The following COMMD10 variants were observed in gnomAD, a reference collection of about 807,000 sequenced individuals.
COMMD10 encodes COMM domain-containing protein 10.
A neutral mutation model predicts 28.9 loss-of-function variants in COMMD10; 33 were observed. That is an observed-to-expected ratio of 1.14 (90% CI 0.87 to 1.53). COMMD10 has a LOEUF of 1.53. Among genes scored for constraint, COMMD10 ranks in the 40% most tolerant of loss-of-function variants. COMMD10 has a pLI of 0.00. For missense variants in COMMD10, 310 were observed against 233.4 expected (o/e 1.33, Z -2.14); for synonymous variants, 110 against 81.7 (o/e 1.35, Z -1.87).
chr5:116,278,196 A>G (rs1034450195), intron 5 of COMMD10, among the ~76,000 whole-genome samples: 1 of 151,850 alleles, frequency 6.6e-6, no homozygotes, highest in Non-Finnish European at 1.5e-5. Context: ...TATTGAGTAC[A>G]GAAAAAGCTC....
chr5:116,150,112 G>C (rs1330448718), intron 5 of COMMD10, among the ~76,000 whole-genome samples: 3 of 151,980 alleles, frequency 2.0e-5, no homozygotes, highest in Admixed American at 2.0e-4. Context: ...ATTAAATAGG[G>C]AATACTTTCC....
intron 4 of COMMD10, among the ~76,000 whole-genome samples, chr5:116,104,447 G>C (rs1750767993): frequency 6.6e-6 from 1 of 151,966 alleles, no homozygotes; most frequent in African/African-American, 2.4e-5. Context: ...GTCTTTCTGT[G>C]TCTGTTATTG....
intron 5 of COMMD10, among the ~76,000 whole-genome samples, chr5:116,141,567 T>C (rs6860662): frequency 0.09 from 13,614 of 151,876 alleles, 1,208 homozygotes; most frequent in African/African-American, 0.23. Context: ...TATTTAATTA[T>C]GTCATCTTCA....
chr5:116,276,616 T>C (rs1750919117), intron 5 of COMMD10, among the ~76,000 whole-genome samples: 1 of 151,906 alleles, frequency 6.6e-6, no homozygotes, highest in Non-Finnish European at 1.5e-5. Context: ...ATACATGATT[T>C]TTTTATTCTA....
chr5:116,267,499 A>G (rs1057134379), intron 5 of COMMD10, among the ~76,000 whole-genome samples: 2 of 151,914 alleles, frequency 1.3e-5, no homozygotes, highest in African/African-American at 4.9e-5. Flanking sequence ...GGAAGAATCA[A>G]TATCATGAAA....
chr5:116,173,662 C>A (rs76750425), intron 5 of COMMD10, among the ~76,000 whole-genome samples: 1 of 152,040 alleles, frequency 6.6e-6, no homozygotes, highest in Admixed American at 6.6e-5. Flanking sequence ...AAGTTATGGT[C>A]TGTTCTATGT....
At chr5:116,128,807 G>A (rs923989665) in intron 4 of COMMD10, among the ~76,000 whole-genome samples, 16 of 151,888 alleles carry the variant, frequency 1.1e-4, no homozygotes, top group African/African-American at 3.1e-4. Flanking sequence ...ATTTTATGGC[G>A]TATCCCTCAA....
chr5:116,107,143 C>T (rs563776973), intron 4 of COMMD10, among the ~76,000 whole-genome samples: 53 of 152,052 alleles, frequency 3.5e-4, no homozygotes, highest in African/African-American at 1.1e-3. Flanking sequence ...GTGAATCTGA[C>T]GATTATGTGT....
chr5:116,276,100 A>AG (rs1194431153), intron 5 of COMMD10, among the ~76,000 whole-genome samples: 1 of 151,302 alleles, frequency 6.6e-6, no homozygotes, highest in Non-Finnish European at 1.5e-5. Context: ...GGTGGATAGG[A>AG]GGGGGAGAGG....
chr5:116,160,919 T>G (rs1188689228), intron 5 of COMMD10, among the ~76,000 whole-genome samples: 2 of 152,192 alleles, frequency 1.3e-5, no homozygotes, highest in Non-Finnish European at 2.9e-5. Context: ...TTGAAAATAT[T>G]GGTATGAGGC....
intron 5 of COMMD10, among the ~76,000 whole-genome samples, chr5:116,258,255 A>G (rs147451612): frequency 2.1e-4 from 32 of 151,864 alleles, no homozygotes; most frequent in Admixed American, 1.5e-3. Context: ...ATTTTGTAGT[A>G]TATCTATTCC....
chr5:116,260,334 T>C (rs868642842), intron 5 of COMMD10, among the ~76,000 whole-genome samples: 9 of 151,974 alleles, frequency 5.9e-5, no homozygotes, highest in South Asian at 2.1e-4. Flanking sequence ...CTGTGGAAAC[T>C]AATGACTTTG....
intron 5 of COMMD10, among the ~76,000 whole-genome samples, chr5:116,146,608 T>C (rs1580487649): frequency 6.6e-6 from 1 of 151,922 alleles, no homozygotes; most frequent in South Asian, 2.1e-4. Context: ...AACACTTCTT[T>C]CCTGGCATAG....
At chr5:116,172,360 G>A (rs1876675) in intron 5 of COMMD10, among the ~76,000 whole-genome samples, 53,185 of 151,948 alleles carry the variant, frequency 0.35, 14,359 homozygotes, top group African/African-American at 0.76. Flanking sequence ...GTGATTATAT[G>A]AAGAAAAATA....
intron 5 of COMMD10, among the ~76,000 whole-genome samples, chr5:116,163,295 T>G (rs2112569814): frequency 6.6e-6 from 1 of 151,638 alleles, no homozygotes; most frequent in South Asian, 2.1e-4. Context: ...TAAAAAAAGA[T>G]AAACCAGGGC....
At chr5:116,100,362 G>T (rs1228478484) in intron 4 of COMMD10, among the ~76,000 whole-genome samples, 1 of 152,022 alleles carries the variant, frequency 6.6e-6, no homozygotes, top group Admixed American at 6.5e-5. Context: ...ATACGCTTTT[G>T]GTGTCCTATC....
At chr5:116,215,194 G>A (rs1415120401) in intron 5 of COMMD10, among the ~76,000 whole-genome samples, 5 of 151,566 alleles carry the variant, frequency 3.3e-5, no homozygotes, top group Non-Finnish European at 7.4e-5. Context: ...TGTTTGAATC[G>A]GCAAATGGGT....
intron 5 of COMMD10, among the ~76,000 whole-genome samples, chr5:116,254,790 G>C (rs544627646): frequency 6.6e-6 from 1 of 151,832 alleles, no homozygotes; most frequent in South Asian, 2.1e-4. Flanking sequence ...TTGGGGTGGA[G>C]AGTTCTGTAG....
intron 5 of COMMD10, among the ~76,000 whole-genome samples, chr5:116,264,228 C>T (rs761886397): frequency 2.0e-5 from 3 of 151,722 alleles, no homozygotes; most frequent in Non-Finnish European, 4.4e-5. Flanking sequence ...AAAGTACAGG[C>T]CTTGGTGCTG....
Sources: gnomAD v4.1 joint callset for allele counts (sites outside exome capture counted in the v4.1 genomes callset) on GRCh38, gnomAD v4.1.1 for gene constraint, MANE v1.5 for transcripts, NCBI Gene and HGNC (gene_info 2026-07-23, HGNC 2026-07-21) for gene names.